Variants in TNPO1 observed in about 807,000 individuals in gnomAD.
The protein encoded by TNPO1 is transportin-1.
In TNPO1, 8 loss-of-function variants were observed where a neutral mutation model predicts 119.5. That is an observed-to-expected ratio of 0.07 (90% CI 0.04 to 0.12). The LOEUF (loss-of-function observed/expected upper bound fraction) is 0.12, where lower values mean the gene tolerates loss of function less well. Ranked by LOEUF, TNPO1 falls within the 10% of genes least tolerant of loss-of-function variation. The pLI is 1.00. For synonymous variants in TNPO1, 362 were observed against 363.0 expected, an observed-to-expected ratio of 1.00 and a Z score of 0.03; for missense variants, 576 against 1,089.8, an observed-to-expected ratio of 0.53 and a Z score of 6.64.
intron 1 of TNPO1, among the ~76,000 whole-genome samples, chr5:72,817,745 A>G (rs1430821420): frequency 5.9e-5 from 9 of 152,122 alleles, no homozygotes; most frequent in Non-Finnish European, 1.3e-4. Context: ...TGCAAGATGT[A>G]TGGTGTAATA....
rs187308130 is a variant in TNPO1 at position 72,911,630 on chromosome 5, A to G, written c.*2957A>G. 7.9e-4 allele frequency: 120 copies of G among 152,692 alleles called. 1 individual carries two copies. The highest frequency in any genetic ancestry group is 3.5e-4 in the Non-Finnish European group (24 of 67,954). The allele number at this position is 152,692 out of a possible 1,614,324, so 9.5% of individuals were successfully genotyped here. A position where few individuals can be genotyped will look rare whatever the true frequency, so the allele number is the denominator to read the frequency against. ...AGTTTTGAATGTTGACTGAATGTCT[A>G]TAAAATTGTGAGTTTGTCTTTGTTA... On this transcript the variant is annotated 3_prime_UTR_variant, in exon 25 of 25. Coordinates refer to ENST00000337273, the MANE Select transcript of TNPO1 (RefSeq NM_002270.4).
intron 24 of TNPO1, among the ~76,000 whole-genome samples, chr5:72,907,365 G>A (rs925942481): frequency 6.6e-6 from 1 of 152,040 alleles, no homozygotes; most frequent in Non-Finnish European, 1.5e-5. Context: ...AATAGTTCTC[G>A]GTTTTGTAAT....
At chr5:72,848,135 G>C (rs1234594242) in intron 1 of TNPO1, 1 of 1,199,768 alleles carries the variant, frequency 8.3e-7, no homozygotes, top group African/African-American at 1.6e-5. Flanking sequence ...CAGTCTGGTC[G>C]GCTCCTTGCG....
Position 72,855,882 on chromosome 5 carries a change from A to G in TNPO1, c.314A>G (p.Asn105Ser). 1 of 1,613,678 alleles carries G rather than the reference A, an allele frequency of 6.2e-7. No individual in the cohort carries two copies. The highest frequency in any genetic ancestry group is 8.5e-7 in the Non-Finnish European group (1 of 1,179,836). Residue 105 changes from asparagine to serine, a missense_variant, in exon 4 of 25, where the codon AAT becomes AGT. Asn to Ser is a conservative substitution (Grantham distance 46, BLOSUM62 1). Coordinates refer to ENST00000337273, the MANE Select transcript of TNPO1 (RefSeq NM_002270.4). ...VTDFIKSECL[N>S]NIGDSSPLIR... ...GACTTTATTAAAAGTGAATGTTTAAATAATATTGGTGACTCCTCTCCTCTG... is the reference window on the plus strand; with the variant it reads ...GACTTTATTAAAAGTGAATGTTTAAGTAATATTGGTGACTCCTCTCCTCTG...
chr5:72,848,174 G>C, intron 1 of TNPO1: 2 of 1,224,184 alleles, frequency 1.6e-6, no homozygotes, highest in Non-Finnish European at 2.0e-6. Flanking sequence ...AGCAGCAGCA[G>C]ACGCTGGCGG....
At chr5:72,864,368 G>A (rs1746722785) in intron 5 of TNPO1, among the ~76,000 whole-genome samples, 1 of 152,098 alleles carries the variant, frequency 6.6e-6, no homozygotes, top group African/African-American at 2.4e-5. Flanking sequence ...CTGTACTATG[G>A]AGAATAAGCA....
chr5:72,876,004 A>G lies in TNPO1; in HGVS notation c.801+267A>G, dbSNP rs190512541. 1.8e-4 allele frequency among the ~76,000 whole-genome samples: 28 copies of G among 152,250 alleles called. No individual in the cohort carries two copies. In the South Asian group the frequency reaches 2.9e-3, roughly 16 times the overall value. On this transcript the variant is annotated intron_variant, in intron 8 of 24. Transcript: ENST00000337273. ...GTGGAGAGAAGAGAGGATCTTTTTTAAAGGTTGCAGTCTAAGATCTGTTAA... is the reference window on the plus strand; with the variant it reads ...GTGGAGAGAAGAGAGGATCTTTTTTGAAGGTTGCAGTCTAAGATCTGTTAA...
intron 22 of TNPO1, among the ~76,000 whole-genome samples, chr5:72,901,412 A>G (rs1252570924): frequency 6.6e-6 from 1 of 152,224 alleles, no homozygotes; most frequent in Non-Finnish European, 1.5e-5. Context: ...GTGGATATCT[A>G]CAGTTAATAG....
chr5:72,840,554 A>AT (rs1389323001), intron 1 of TNPO1, among the ~76,000 whole-genome samples: 1 of 152,162 alleles, frequency 6.6e-6, no homozygotes, highest in Non-Finnish European at 1.5e-5. Context: ...ACCTCGGTTA[A>AT]TATAAAATGG....
At chr5:72,826,445 T>C (rs1561291820) in intron 1 of TNPO1, among the ~76,000 whole-genome samples, 1 of 152,182 alleles carries the variant, frequency 6.6e-6, no homozygotes, top group East Asian at 1.9e-4. Flanking sequence ...CAAAAAAAGT[T>C]TACACTATGT....
chr5:72,864,001 C>CTA (rs2112325049), intron 5 of TNPO1, among the ~76,000 whole-genome samples: 1 of 152,176 alleles, frequency 6.6e-6, no homozygotes, highest in South Asian at 2.1e-4. Context: ...TCCATCTGAA[C>CTA]TAAAGATAGT....
chr5:72,905,194 T>C (rs1280595926), intron 23 of TNPO1, 109 bp from the exon 24 acceptor site: 7 of 839,088 alleles, frequency 8.3e-6, no homozygotes, highest in Non-Finnish European at 1.1e-5. Context: ...ATTGCTACTT[T>C]AAAATGGATA....
At chr5:72,827,001 A>C (rs1744234863) in intron 1 of TNPO1, among the ~76,000 whole-genome samples, 1 of 152,140 alleles carries the variant, frequency 6.6e-6, no homozygotes, top group South Asian at 2.1e-4. Flanking sequence ...AAAATAAAGC[A>C]GTGAGAGGAA....
At chr5:72,893,592 T>C (rs776961063) in intron 17 of TNPO1, 24 bp from the exon 18 acceptor site, 1 of 1,614,164 alleles carries the variant, frequency 6.2e-7, no homozygotes, top group Admixed American at 1.7e-5. Flanking sequence ...CACATTGGGG[T>C]TAATTTCTTC....
chr5:72,873,465 C>G (rs1383870001), intron 7 of TNPO1, among the ~76,000 whole-genome samples: 89 of 152,046 alleles, frequency 5.9e-4, no homozygotes, highest in Admixed American at 5.8e-3. Context: ...AATTGACCAG[C>G]TTCTTTCTGA....
intron 6 of TNPO1, among the ~76,000 whole-genome samples, chr5:72,866,799 C>T (rs548177999): frequency 4.6e-5 from 7 of 152,054 alleles, no homozygotes; most frequent in East Asian, 1.9e-4. Context: ...TTCTGGTAAT[C>T]GATACACCAT....
chr5:72,899,996 G>A lies in TNPO1; in HGVS notation c.2339-10G>A, dbSNP rs112888451. 77 of 1,612,904 alleles carry A rather than the reference G, an allele frequency of 4.8e-5. 1 individual carries two copies. The African/African-American group carries it at 5.9e-4, about 12-fold the overall frequency. On this transcript the variant is annotated splice_polypyrimidine_tract_variant and intron_variant, in intron 20 of 24. Transcript: ENST00000337273. ...TTTGGTGGTGTATAACCGTGATTGC[G>A]TTACCTTAGCAATAACAATTGGTCG...
chr5:72,833,347 A>T (rs2112196444), intron 1 of TNPO1, among the ~76,000 whole-genome samples: 1 of 152,292 alleles, frequency 6.6e-6, no homozygotes, highest in African/African-American at 2.4e-5. Context: ...CTACCTCCCT[A>T]AGTGCTGGTA....
chr5:72,827,529 A>G (rs1336556224), intron 1 of TNPO1, among the ~76,000 whole-genome samples: 2 of 152,224 alleles, frequency 1.3e-5, no homozygotes, highest in East Asian at 3.9e-4. Context: ...TTGATGGTGT[A>G]TTTTAAGAGT....
Sources: allele counts gnomAD v4.1 joint callset (sites outside exome capture counted in the v4.1 genomes callset), GRCh38; gene constraint gnomAD v4.1.1; transcripts MANE v1.5; gene names NCBI Gene and HGNC (gene_info 2026-07-23, HGNC 2026-07-21).